ECT2L: variants seen among roughly 807,000 people sequenced by gnomAD.
The protein encoded by ECT2L is epithelial cell-transforming sequence 2 oncogene-like.
A neutral mutation model predicts 122.8 loss-of-function variants in ECT2L; 126 were observed. That is an observed-to-expected ratio of 1.03 (90% CI 0.89 to 1.19). The LOEUF is 1.19. ECT2L is among the 50% of genes most tolerant of loss of function. The probability of loss-of-function intolerance (pLI) is 0.00; values close to 1 mark genes in which losing one functional copy is unlikely to be tolerated. For missense variants in ECT2L, 1,012 were observed against 1,064.1 expected (o/e 0.95, Z 0.68); for synonymous variants, 385 against 381.8 (o/e 1.01, Z -0.10).
intron 10 of ECT2L, among the ~76,000 whole-genome samples, chr6:138,855,207 T>C (rs1777573148): frequency 6.6e-6 from 1 of 151,966 alleles, no homozygotes; most frequent in Non-Finnish European, 1.5e-5. Flanking sequence ...TTAAATCTCA[T>C]TTATGTAGAA....
chr6:138,818,070 T>C (rs1373027101), intron 4 of ECT2L, among the ~76,000 whole-genome samples: 1 of 152,174 alleles, frequency 6.6e-6, no homozygotes, highest in Non-Finnish European at 1.5e-5. Flanking sequence ...GCTTAGTGCC[T>C]GGTAATTCCT....
chr6:138,819,008 G>A (rs994560735), intron 4 of ECT2L, among the ~76,000 whole-genome samples: 11 of 152,160 alleles, frequency 7.2e-5, no homozygotes, highest in Non-Finnish European at 1.5e-4. Flanking sequence ...CTTTGTCAGA[G>A]AGGAGAGGGG....
At position 138,825,641 on chromosome 6, in the gene ECT2L, A is replaced by G. The variant is rs191228073; in HGVS notation, c.179+11038A>G. On this transcript the variant is annotated intron_variant, in intron 4 of 21. Transcript: ENST00000541398. Reference sequence around the variant, plus strand: ...GATAAGCAAAAAGAGGGAAATACCAATCACCAATAATCCACCACCCATATA... The same window carrying G: ...GATAAGCAAAAAGAGGGAAATACCAGTCACCAATAATCCACCACCCATATA... 6.0e-4 allele frequency among the ~76,000 whole-genome samples: 91 copies of G among 152,282 alleles called. 1 individual carries two copies. The highest frequency in any genetic ancestry group is 1.1e-3 in the Non-Finnish European group (74 of 68,014).
intron 5 of ECT2L, among the ~76,000 whole-genome samples, chr6:138,842,363 A>G (rs956991837): frequency 6.6e-6 from 1 of 152,318 alleles, no homozygotes; most frequent in Non-Finnish European, 1.5e-5. Flanking sequence ...CAGGAGGCTG[A>G]GGCAAGAGAA....
Position 138,843,108 on chromosome 6 carries a change from A to G in ECT2L, c.472A>G (p.Arg158Gly). Residue 158 changes from arginine (R) to glycine (G), a missense_variant, in exon 6 of 22, where the codon AGG (arginine) becomes GGG (glycine). Arg to Gly is a moderately radical substitution (Grantham distance 125). Coordinates refer to ENST00000541398, the MANE Select transcript of ECT2L (RefSeq NM_001077706.3). ...CVSHLDWLTP[R>G]EAAATYGTLN... is the part of the protein sequence containing the mutation. ...GTCCCACTTAGACTGGCTGACACCTAGGGAGGCTGCTGCTACTTATGGGAC... is the reference window on the plus strand; with the variant it reads ...GTCCCACTTAGACTGGCTGACACCTGGGGAGGCTGCTGCTACTTATGGGAC... 6.2e-7 allele frequency: 1 copy of G among 1,614,150 alleles called. No individual in the cohort carries two copies. The highest frequency in any genetic ancestry group is 2.2e-5 in the East Asian group (1 of 44,886).
rs77503690 is a variant in ECT2L at position 138,821,194 on chromosome 6, T to C, written c.179+6591T>C. ...TTGTCCCAGTTCTGTGGGTGCCTTT[T>C]TCATTTTGCACTTGTGATGCTACCT... On this transcript the variant is annotated intron_variant, in intron 4 of 21. Coordinates refer to ENST00000541398, the MANE Select transcript of ECT2L (RefSeq NM_001077706.3). Among the ~76,000 whole-genome samples, 164 of 152,358 alleles carry C rather than the reference T, an allele frequency of 1.1e-3. 1 individual carries two copies. The highest frequency in any genetic ancestry group is 1.7e-3 in the Non-Finnish European group (114 of 68,028).
Position 138,903,362 on chromosome 6 carries a change from AAAAAAAAAG to A in ECT2L, c.*744_*752del, listed in dbSNP as rs1294790174. 4.7e-5 allele frequency: 7 copies of A among 149,758 alleles called. No homozygotes were observed. The highest frequency in any genetic ancestry group is 1.8e-4 in the African/African-American group (7 of 39,928). 9.3% of individuals were successfully genotyped at this position (149,758 alleles called of 1,614,324 possible). On this transcript the variant is annotated 3_prime_UTR_variant, in exon 22 of 22. Coordinates refer to ENST00000541398, the MANE Select transcript of ECT2L (RefSeq NM_001077706.3). ...GTGACAAGAGCGAACCTCTGTCTCA[AAAAAAAAAG>A]AAAAAAAAAAGGACAAGAAATACAA... is the stretch of plus-strand genomic sequence containing the variant.
Position 138,900,945 on chromosome 6 carries a change from C to A in ECT2L, c.2415-3C>A, listed in dbSNP as rs1452311623. 6.2e-7 allele frequency: 1 copy of A among 1,611,362 alleles called. No individual in the cohort carries two copies. The highest frequency in any genetic ancestry group is 8.5e-7 in the Non-Finnish European group (1 of 1,179,222). On this transcript the variant is annotated splice_region_variant and splice_polypyrimidine_tract_variant and intron_variant, in intron 20 of 21. Coordinates refer to ENST00000541398, the MANE Select transcript of ECT2L (RefSeq NM_001077706.3). The stretch of plus-strand genomic sequence containing the variant: ...AAACTGTACCTTCTCCATTTTAACA[C>A]AGGCTCTATGAACACATCCATGATC...
intron 14 of ECT2L, among the ~76,000 whole-genome samples, chr6:138,877,991 A>C (rs960542775): frequency 6.6e-6 from 1 of 152,122 alleles, no homozygotes; most frequent in Non-Finnish European, 1.5e-5. Flanking sequence ...TTTTTCTCTT[A>C]AGTTTTTTTA....
chr6:138,846,816 A>G, intron 8 of ECT2L, 139 bp downstream of exon 8: 2 of 1,061,854 alleles, frequency 1.9e-6, no homozygotes, highest in Non-Finnish European at 2.6e-6. Context: ...AGGAAAATCA[A>G]GCCAGGTGTG....
At chr6:138,886,983 C>A in intron 19 of ECT2L, 61 bp downstream of exon 19, 1 of 1,372,076 alleles carries the variant, frequency 7.3e-7, no homozygotes, top group Non-Finnish European at 1.0e-6. Flanking sequence ...CAGTCTTTTG[C>A]AAAAGGAGAC....
chr6:138,882,612 A>T (rs900730667), intron 15 of ECT2L, 112 bp from the exon 16 acceptor site: 3 of 1,316,190 alleles, frequency 2.3e-6, no homozygotes, highest in Non-Finnish European at 3.1e-6. Context: ...CTTGACCAAA[A>T]CCCTACCGTA....
chr6:138,822,509 T>G lies in ECT2L; in HGVS notation c.179+7906T>G, dbSNP rs142301940. On this transcript the variant is annotated intron_variant, in intron 4 of 21. Transcript: ENST00000541398. Reference sequence around the variant, plus strand: ...GGTGGAGGTTGCAGTGAACCGAGATTATACCATTACAGTCCAGCCTGGGCA... The same window carrying G: ...GGTGGAGGTTGCAGTGAACCGAGATGATACCATTACAGTCCAGCCTGGGCA... 9.1e-4 allele frequency among the ~76,000 whole-genome samples: 138 copies of G among 152,254 alleles called. 1 individual carries two copies. In the East Asian group the frequency reaches 0.019, roughly 21 times the overall value.
intron 13 of ECT2L, among the ~76,000 whole-genome samples, chr6:138,874,029 A>G (rs1778357158): frequency 6.6e-6 from 1 of 152,102 alleles, no homozygotes; most frequent in Admixed American, 6.5e-5. Context: ...GATACCATGC[A>G]ACCATGGTGA....
intron 20 of ECT2L, among the ~76,000 whole-genome samples, chr6:138,897,348 A>G (rs1201892221): frequency 1.3e-5 from 2 of 152,222 alleles, no homozygotes; most frequent in African/African-American, 2.4e-5. Context: ...AATTAAAAAA[A>G]CAAATAAAAA....
chr6:138,841,487 T>A (rs1777038491), intron 5 of ECT2L, among the ~76,000 whole-genome samples: 1 of 152,226 alleles, frequency 6.6e-6, no homozygotes, highest in African/African-American at 2.4e-5. Flanking sequence ...AATTAAGTAT[T>A]ATCCTTCCTG....
rs759981272 is a variant in ECT2L at position 138,882,883 on chromosome 6, TC to T, written c.2028+13del. The stretch of plus-strand genomic sequence containing the variant: ...AAACTATTGAGAAGGTAAATGAGTT[TC>T]AATTCCATCATTCTATAAGACCTGA... On this transcript the variant is annotated intron_variant, in intron 16 of 21. Coordinates refer to ENST00000541398, the MANE Select transcript of ECT2L (RefSeq NM_001077706.3). 9,361 of 1,613,114 alleles carry T rather than the reference TC, an allele frequency of 5.8e-3. 125 individuals carry two copies. Among genetic ancestry groups the T allele is most frequent in the East Asian group, 0.043 (1,939 of 44,844 alleles).
At position 138,873,900 on chromosome 6, in the gene ECT2L, G is replaced by GTGTGTGTGTGTGTA. The variant is rs1554277034; in HGVS notation, c.1579-2559_1579-2558insATGTGTGTGTGTGT. ...TGTGTGTGTGTGTGTGTGTGTGTGT[G>GTGTGTGTGTGTGTA]TGTGTGTGTGTGTGTCCATCCATGT... On this transcript the variant is annotated intron_variant, in intron 13 of 21. Coordinates refer to ENST00000541398, the MANE Select transcript of ECT2L (RefSeq NM_001077706.3). 1.3e-3 allele frequency among the ~76,000 whole-genome samples: 194 copies of GTGTGTGTGTGTGTA among 150,860 alleles called. 1 individual carries two copies. The highest frequency in any genetic ancestry group is 4.6e-3 in the African/African-American group (190 of 40,996).
rs1583582337 is a variant in ECT2L at position 138,844,594 on chromosome 6, C to T, written c.764+14C>T. The T allele has an allele frequency of 1.2e-6, 2 of 1,612,910 alleles. No homozygotes were observed. The highest frequency in any genetic ancestry group is 8.5e-7 in the Non-Finnish European group (1 of 1,179,230). Reference sequence around the variant, plus strand: ...CTTGCCCAAGCGGTAAGCAAAATTCCATCTACTGAAGGCTCAACACCATCC... The same window carrying T: ...CTTGCCCAAGCGGTAAGCAAAATTCTATCTACTGAAGGCTCAACACCATCC... On this transcript the variant is annotated intron_variant, in intron 7 of 21. Coordinates refer to ENST00000541398, the MANE Select transcript of ECT2L (RefSeq NM_001077706.3).
Sources: gnomAD v4.1 joint callset for allele counts (sites outside exome capture counted in the v4.1 genomes callset) on GRCh38, gnomAD v4.1.1 for gene constraint, MANE v1.5 for transcripts, NCBI Gene and HGNC (gene_info 2026-07-23, HGNC 2026-07-21) for gene names.